The following GINS1 variants were observed in gnomAD, a reference collection of about 807,000 sequenced individuals.
The protein encoded by GINS1 is DNA replication complex GINS protein PSF1.
A neutral mutation model predicts 34.9 loss-of-function variants in GINS1; 26 were observed. That is an observed-to-expected ratio of 0.74 (90% CI 0.55 to 1.03). The LOEUF is 1.03. Among genes scored for constraint, GINS1 ranks in the 50% least tolerant of loss-of-function variants. The pLI is 0.00. For missense variants in GINS1, 235 were observed against 237.9 expected, an observed-to-expected ratio of 0.99 and a Z score of 0.08; for synonymous variants, 97 against 84.4, an observed-to-expected ratio of 1.15 and a Z score of -0.82.
intron 5 of GINS1, among the ~76,000 whole-genome samples, chr20:25,425,891 G>T (rs947725614): frequency 1.1e-4 from 17 of 151,972 alleles, no homozygotes; most frequent in African/African-American, 4.1e-4. Flanking sequence ...CATTTAAGTG[G>T]TATTAAATAT....
chr20:25,433,895 A>T (rs542634074), intron 5 of GINS1, among the ~76,000 whole-genome samples: 2 of 152,320 alleles, frequency 1.3e-5, no homozygotes, highest in Non-Finnish European at 2.9e-5. Context: ...TTGTGTAGAA[A>T]ACAAAATTTA....
chr20:25,413,855 G>A lies in GINS1; in HGVS notation c.140+1G>A, dbSNP rs1321578047. On this transcript the variant is annotated splice_donor_variant, in intron 2 of 6. Transcript: ENST00000262460. LOFTEE classifies it high-confidence loss of function. ...TGTATGAACAAAACCAGTCTGATGT[G>A]TAAGTTTCATAAGATGATATTCTAA... 2.0e-6 allele frequency: 3 copies of A among 1,509,126 alleles called. No homozygotes were observed. Among genetic ancestry groups the A allele is most frequent in the South Asian group, 1.1e-5 (1 of 89,000 alleles). 93.5% of individuals were successfully genotyped at this position (1,509,126 alleles called of 1,614,324 possible). A position where few individuals can be genotyped will look rare whatever the true frequency, so the allele number is the denominator to read the frequency against.
chr20:25,429,263 A>G (rs749759266), intron 5 of GINS1, among the ~76,000 whole-genome samples: 8 of 152,176 alleles, frequency 5.3e-5, no homozygotes, highest in Non-Finnish European at 8.8e-5. Flanking sequence ...GTGCCGGATT[A>G]CAGGCATGAG....
At chr20:25,438,102 A>T (rs1380150245) in intron 5 of GINS1, among the ~76,000 whole-genome samples, 7 of 148,098 alleles carry the variant, frequency 4.7e-5, no homozygotes, top group Non-Finnish European at 8.9e-5. Flanking sequence ...CTGGGCAACA[A>T]GAGCAAAACT....
At chr20:25,420,707 GGGAGGT>G (rs1160952509) in intron 4 of GINS1, 31 of 192,232 alleles carry the variant, frequency 1.6e-4, no homozygotes, top group Non-Finnish European at 2.8e-4. Flanking sequence ...GCTTGAGCCT[GGGAGGT>G]GGAGGTTGCG....
chr20:25,441,880 A>G, intron 6 of GINS1, 104 bp downstream of exon 6: 2 of 642,340 alleles, frequency 3.1e-6, no homozygotes, highest in Non-Finnish European at 2.8e-6. Context: ...TCGTTTATAT[A>G]TTAGGCATTA....
rs544378539 is a variant in GINS1 at position 25,407,733 on chromosome 20, C to T, written c.-88C>T. On this transcript the variant is annotated 5_prime_UTR_variant, in exon 1 of 7. It adds an upstream start codon to the 5' untranslated region. Coordinates refer to ENST00000262460, the MANE Select transcript of GINS1 (RefSeq NM_021067.5). ...AGAGCCTGGCGCTGTAGGACTAGAA[C>T]GAAAGGAGTGAGGCGCCGAGAGCCC... 3 of 1,022,144 alleles carry T rather than the reference C, an allele frequency of 2.9e-6. No homozygotes were observed. The highest frequency in any genetic ancestry group is 3.8e-5 in the Admixed American group (2 of 52,978). 63.3% of individuals were successfully genotyped at this position (1,022,144 alleles called of 1,614,324 possible).
rs768628231 is a variant in GINS1 at position 25,413,772 on chromosome 20, T to C, written c.76-18T>C. On this transcript the variant is annotated intron_variant, in intron 1 of 6. Transcript: ENST00000262460. ...GTGGGGAAATCAGTGGATTTCAATA[T>C]CGGTTTATATGTTCTAGGAGGATGG... 1.4e-5 allele frequency: 21 copies of C among 1,466,646 alleles called. No homozygotes were observed. In the Admixed American group the frequency reaches 1.8e-4, roughly 13 times the overall value. 90.9% of individuals were successfully genotyped at this position (1,466,646 alleles called of 1,614,324 possible).
At chr20:25,416,239 T>C (rs141820535) in intron 2 of GINS1, among the ~76,000 whole-genome samples, 37 of 152,304 alleles carry the variant, frequency 2.4e-4, no homozygotes, top group Non-Finnish European at 4.7e-4. Flanking sequence ...GGAGACCCTA[T>C]AGGCCTTGGT....
chr20:25,442,610 A>AT (rs146610455), intron 6 of GINS1, among the ~76,000 whole-genome samples: 85 of 123,990 alleles, frequency 6.9e-4, no homozygotes, highest in South Asian at 2.3e-3. Flanking sequence ...TATTATTATT[A>AT]TTTTTTTTTT....
intron 1 of GINS1, chr20:25,408,918 A>G (rs1373415587): frequency 2.0e-6 from 2 of 983,614 alleles, no homozygotes; most frequent in Non-Finnish European, 2.4e-6. Context: ...CTGCTGGAAG[A>G]TGGGCACAAA....
At position 25,438,119 on chromosome 20, in the gene GINS1, CAAAAA is replaced by C. The variant is rs34107871; in HGVS notation, c.448-3569_448-3565del. On this transcript the variant is annotated intron_variant, in intron 5 of 6. Coordinates refer to ENST00000262460, the MANE Select transcript of GINS1 (RefSeq NM_021067.5). Reference sequence around the variant, plus strand: ...GGGCAACAAGAGCAAAACTCCGTCTCAAAAAAAAAAAAAAAAAAGTATTGATTAGC... The same window carrying C: ...GGGCAACAAGAGCAAAACTCCGTCTCAAAAAAAAAAAAAGTATTGATTAGC... Among the ~76,000 whole-genome samples, 778 of 98,274 alleles carry C rather than the reference CAAAAA, an allele frequency of 7.9e-3. 8 individuals are homozygous for C. The highest frequency in any genetic ancestry group is 0.03 in the African/African-American group (753 of 25,062). 64.5% of individuals were successfully genotyped at this position (98,274 alleles called of 152,430 possible). A position where few individuals can be genotyped will look rare whatever the true frequency, so the allele number is the denominator to read the frequency against.
At chr20:25,415,554 G>GC (rs1197684077) in intron 2 of GINS1, among the ~76,000 whole-genome samples, 2 of 151,988 alleles carry the variant, frequency 1.3e-5, no homozygotes, top group African/African-American at 4.8e-5. Context: ...GCGTGGTGGC[G>GC]CATGCCTGTA....
intron 4 of GINS1, among the ~76,000 whole-genome samples, chr20:25,422,747 T>C (rs1177393719): frequency 1.3e-5 from 2 of 152,250 alleles, no homozygotes; most frequent in African/African-American, 4.8e-5. Flanking sequence ...GATTCTAATC[T>C]GTTGATATAT....
At chr20:25,410,316 G>A (rs1269690419) in intron 1 of GINS1, among the ~76,000 whole-genome samples, 1 of 151,816 alleles carries the variant, frequency 6.6e-6, no homozygotes, top group Non-Finnish European at 1.5e-5. Context: ...ACTACAGCCT[G>A]GGCGACAGAG....
chr20:25,445,118 G>A (rs2090503740), intron 6 of GINS1, among the ~76,000 whole-genome samples: 1 of 152,098 alleles, frequency 6.6e-6, no homozygotes, highest in African/African-American at 2.4e-5. Flanking sequence ...TAAGCAAACT[G>A]AATTCATTTG....
chr20:25,417,107 T>G lies in GINS1; in HGVS notation c.144T>G (p.Asn48Lys). ...TCTTTTTAAATGCTCCTATCAGGAA[T>G]GAAGCAAAGTCAGGTGGACGAAGTG... ...ALYEQNQSDV[N>K]EAKSGGRSDL... Residue 48 changes from asparagine to lysine, a missense_variant, in exon 3 of 7, where the codon AAT (asparagine) becomes AAG (lysine). Physicochemically the swap from Asn to Lys is moderately conservative, Grantham distance 94. Transcript: ENST00000262460. 2.0e-6 allele frequency: 3 copies of G among 1,503,524 alleles called. No homozygotes were observed. The highest frequency in any genetic ancestry group is 2.3e-5 in the South Asian group (2 of 86,790). 93.1% of individuals were successfully genotyped at this position (1,503,524 alleles called of 1,614,324 possible). A position where few individuals can be genotyped will look rare whatever the true frequency, so the allele number is the denominator to read the frequency against.
chr20:25,409,280 C>G (rs889827676), intron 1 of GINS1, among the ~76,000 whole-genome samples: 1 of 152,116 alleles, frequency 6.6e-6, no homozygotes, highest in African/African-American at 2.4e-5. Flanking sequence ...AAGGTAACTG[C>G]GGCAGCAATA....
chr20:25,441,964 A>G (rs2090484301), intron 6 of GINS1, among the ~76,000 whole-genome samples, 188 bp downstream of exon 6: 1 of 152,170 alleles, frequency 6.6e-6, no homozygotes, highest in South Asian at 2.1e-4. Flanking sequence ...GCATATAATA[A>G]AAGATTCATT....
Sources: gnomAD v4.1 joint callset for allele counts (sites outside exome capture counted in the v4.1 genomes callset) on GRCh38, gnomAD v4.1.1 for gene constraint, MANE v1.5 for transcripts, NCBI Gene and HGNC (gene_info 2026-07-23, HGNC 2026-07-21) for gene names.